The following DCLK1 variants were observed in gnomAD, a reference collection of about 807,000 sequenced individuals.
DCLK1 encodes serine/threonine-protein kinase DCLK1.
A neutral mutation model predicts 86.2 loss-of-function variants in DCLK1; 16 were observed. That is an observed-to-expected ratio of 0.19 (90% CI 0.13 to 0.28). The LOEUF is 0.28. Ranked by LOEUF, DCLK1 falls within the 10% of genes least tolerant of loss-of-function variation. DCLK1 has a pLI of 1.00. For missense variants in DCLK1, 590 were observed against 940.2 expected (o/e 0.63, Z 4.87); for synonymous variants, 369 against 370.5 (o/e 1.00, Z 0.05).
At chr13:35,819,573 T>G (rs975581183) in intron 11 of DCLK1, among the ~76,000 whole-genome samples, 7 of 152,176 alleles carry the variant, frequency 4.6e-5, no homozygotes, top group African/African-American at 1.7e-4. Flanking sequence ...TAGAAGGGTT[T>G]TATAAGCCTT....
At chr13:35,922,131 G>C (rs1391970093) in intron 4 of DCLK1, among the ~76,000 whole-genome samples, 5 of 152,132 alleles carry the variant, frequency 3.3e-5, no homozygotes, top group Admixed American at 3.3e-4. Flanking sequence ...CACTTGAGTT[G>C]AATCAGGGCT....
At chr13:35,949,174 C>T (rs151256710) in intron 3 of DCLK1, among the ~76,000 whole-genome samples, 67 of 152,300 alleles carry the variant, frequency 4.4e-4, no homozygotes, top group Middle Eastern at 3.4e-3. Context: ...ATGATTAATA[C>T]GTTTTGTGCA....
chr13:36,053,626 GAT>G (rs34324005), intron 3 of DCLK1, among the ~76,000 whole-genome samples: 31 of 149,104 alleles, frequency 2.1e-4, no homozygotes, highest in Non-Finnish European at 2.2e-4. Context: ...ATAGTATCAC[GAT>G]ATATATATAT....
chr13:35,851,175 G>A (rs1870605605), intron 6 of DCLK1, among the ~76,000 whole-genome samples: 1 of 152,164 alleles, frequency 6.6e-6, no homozygotes, highest in Non-Finnish European at 1.5e-5. Context: ...AGGCCCAAAT[G>A]GCGTTCAGCA....
chr13:35,988,247 G>C (rs1469801408), intron 3 of DCLK1, among the ~76,000 whole-genome samples: 1 of 152,246 alleles, frequency 6.6e-6, no homozygotes, highest in Non-Finnish European at 1.5e-5. Context: ...TGTGACCTCA[G>C]CATGCTGACA....
At chr13:35,911,211 G>A (rs996552085) in intron 4 of DCLK1, among the ~76,000 whole-genome samples, 2 of 151,348 alleles carry the variant, frequency 1.3e-5, no homozygotes, top group East Asian at 1.9e-4. Context: ...GGAGAATGGC[G>A]TGAACCCCGG....
At position 35,797,951 on chromosome 13, in the gene DCLK1, G is replaced by T. The variant is rs144030969; in HGVS notation, c.1945-4472C>A. Among the ~76,000 whole-genome samples, 360 of 152,160 alleles carry T rather than the reference G, an allele frequency of 2.4e-3. 2 individuals are homozygous for T. The highest frequency in any genetic ancestry group is 8.4e-3 in the African/African-American group (350 of 41,498). On this transcript the variant is annotated intron_variant, in intron 15 of 16. Transcript: ENST00000360631. ...AAAATGTGCTACGAATTTTCTAAAC[G>T]TGACAAATCTGGCAGTATTTTACAA...
At chr13:36,077,209 TA>T (rs1441913693) in intron 3 of DCLK1, among the ~76,000 whole-genome samples, 1 of 152,246 alleles carries the variant, frequency 6.6e-6, no homozygotes, top group East Asian at 1.9e-4. Flanking sequence ...TATAAAGTCT[TA>T]ACCACTATTT....
intron 3 of DCLK1, among the ~76,000 whole-genome samples, chr13:35,970,106 A>G (rs1878993230): frequency 1.3e-5 from 2 of 152,192 alleles, no homozygotes; most frequent in Non-Finnish European, 2.9e-5. Flanking sequence ...CTCACAATCT[A>G]AAGGTCTCTT....
rs1478938539 is a variant in DCLK1 at position 35,867,949 on chromosome 13, G to GAAAGAAAGAAAGAAAGAAAGAAAGAAA, written c.940+3274_940+3275insTTTCTTTCTTTCTTTCTTTCTTTCTTT. ...AGAAAGAAAGAAAGAAAGAAAGAAA[G>GAAAGAAAGAAAGAAAGAAAGAAAGAAA]AAAGAAAGAAAGAAAGAGAAAAAGA... On this transcript the variant is annotated intron_variant, in intron 5 of 16. Transcript: ENST00000360631. Among the ~76,000 whole-genome samples the GAAAGAAAGAAAGAAAGAAAGAAAGAAA allele has an allele frequency of 5.6e-3, 789 of 140,738 alleles. 23 individuals carry two copies. The highest frequency in any genetic ancestry group is 0.02 in the African/African-American group (755 of 37,302). 92.3% of individuals were successfully genotyped at this position (140,738 alleles called of 152,430 possible).
intron 2 of DCLK1, among the ~76,000 whole-genome samples, chr13:36,115,138 C>A (rs1345572555): frequency 3.9e-5 from 6 of 152,068 alleles, no homozygotes; most frequent in Non-Finnish European, 8.8e-5. Context: ...TGCACTCCAG[C>A]CTGGGCAACA....
rs557278336 is a variant in DCLK1, at chr13:35,986,432, T to C, written c.724-38975A>G. ...CACCCTAGCAAGCGAACTCCCAGTA[T>C]AGTTTGTTTCCATTAAATCTTCTCA... On this transcript the variant is annotated intron_variant, in intron 3 of 16. Coordinates refer to ENST00000360631, the MANE Select transcript of DCLK1 (RefSeq NM_001330071.2). 5.3e-5 allele frequency among the ~76,000 whole-genome samples: 8 copies of C among 151,366 alleles called. No individual in the cohort carries two copies. In the South Asian group the frequency reaches 6.3e-4, roughly 12 times the overall value.
intron 4 of DCLK1, among the ~76,000 whole-genome samples, chr13:35,915,316 TA>T (rs1875342326): frequency 6.6e-6 from 1 of 152,208 alleles, no homozygotes. Flanking sequence ...GGGGTCCCTT[TA>T]AATCATAGCA....
At chr13:35,847,536 T>C (rs1427938143) in intron 6 of DCLK1, 3 of 984,318 alleles carry the variant, frequency 3.0e-6, no homozygotes, top group Admixed American at 6.2e-5. Flanking sequence ...AATTAAAATA[T>C]GTGGAATTTT....
chr13:35,950,206 C>T (rs1478701444), intron 3 of DCLK1, among the ~76,000 whole-genome samples: 2 of 152,158 alleles, frequency 1.3e-5, no homozygotes, highest in African/African-American at 4.8e-5. Flanking sequence ...GAGTTGATAG[C>T]AAAGGAGACT....
chr13:36,000,068 C>T (rs1177750561), intron 3 of DCLK1, among the ~76,000 whole-genome samples: 2 of 152,096 alleles, frequency 1.3e-5, no homozygotes, highest in Admixed American at 6.6e-5. Flanking sequence ...GCCTTTCCCC[C>T]ACTTCACCCC....
At chr13:35,913,062 G>A (rs1875143754) in intron 4 of DCLK1, among the ~76,000 whole-genome samples, 1 of 152,182 alleles carries the variant, frequency 6.6e-6, no homozygotes, top group African/African-American at 2.4e-5. Context: ...CTGACAAGGG[G>A]TGAGAAAATT....
intron 3 of DCLK1, among the ~76,000 whole-genome samples, chr13:35,970,560 G>A (rs900882373): frequency 7.2e-5 from 11 of 152,192 alleles, no homozygotes; most frequent in East Asian, 5.8e-4. Context: ...GACTATTGGC[G>A]GTGGGCTCTC....
intron 3 of DCLK1, among the ~76,000 whole-genome samples, chr13:35,995,758 G>A (rs1039085146): frequency 2.6e-5 from 4 of 152,122 alleles, no homozygotes; most frequent in African/African-American, 4.8e-5. Flanking sequence ...ACTAACCCAC[G>A]TACGTGAGAT....
Sources: allele counts gnomAD v4.1 joint callset (sites outside exome capture counted in the v4.1 genomes callset), GRCh38; gene constraint gnomAD v4.1.1; transcripts MANE v1.5; gene names NCBI Gene and HGNC (gene_info 2026-07-23, HGNC 2026-07-21).